JAK1: variants seen among roughly 807,000 people sequenced by gnomAD.
JAK1 encodes Janus kinase 1, also known as tyrosine-protein kinase JAK1.
Under a neutral mutation model 136.6 loss-of-function variants are expected in JAK1, and 16 were observed. The observed-to-expected ratio is 0.12, with a 90% CI of 0.08 to 0.18. JAK1 has a LOEUF of 0.18. Ranked by LOEUF, JAK1 falls within the 10% of genes least tolerant of loss-of-function variation. The pLI, the probability that JAK1 is intolerant of heterozygous loss-of-function variation, is 1.00. For synonymous variants in JAK1, 492 were observed against 519.5 expected, an observed-to-expected ratio of 0.95 and a Z score of 0.72; for missense variants, 859 against 1,450.1, an observed-to-expected ratio of 0.59 and a Z score of 6.62.
chr1:64,947,468 A>T (rs1646007588), intron 1 of JAK1, among the ~76,000 whole-genome samples: 3 of 152,202 alleles, frequency 2.0e-5, no homozygotes, highest in Non-Finnish European at 4.4e-5. Context: ...TATTCAAATC[A>T]TGTGGATAAA....
intron 12 of JAK1, among the ~76,000 whole-genome samples, chr1:64,850,072 C>T (rs774895536): frequency 3.3e-5 from 5 of 152,208 alleles, no homozygotes; most frequent in African/African-American, 7.2e-5. Flanking sequence ...ACCTCCAAGG[C>T]GCTGCCATCT....
Position 64,941,641 on chromosome 1 carries a change from C to G in JAK1, c.-78+24692G>C, listed in dbSNP as rs1267056849. Among the ~76,000 whole-genome samples, 3 of 152,286 alleles carry G rather than the reference C, an allele frequency of 2.0e-5. No homozygotes were observed. The East Asian group carries it at 5.8e-4, about 29-fold the overall frequency. On this transcript the variant is annotated intron_variant, in intron 1 of 24. Coordinates refer to ENST00000342505, the MANE Select transcript of JAK1 (RefSeq NM_002227.4). ...AACCTCAGAGCTGTGATGTTACATT[C>G]AAACTCCCACAAACGGCCTACATTT... is the stretch of plus-strand genomic sequence containing the variant.
intron 1 of JAK1, among the ~76,000 whole-genome samples, chr1:64,911,143 T>C (rs979477068): frequency 7.9e-5 from 12 of 151,206 alleles, no homozygotes; most frequent in African/African-American, 2.7e-4. Context: ...GAAATTCACA[T>C]AAAATTGAAG....
chr1:64,980,514 T>C (rs572498286), intron 2 of JAK1, among the ~76,000 whole-genome samples: 1 of 152,188 alleles, frequency 6.6e-6, no homozygotes, highest in Admixed American at 6.6e-5. Context: ...GCACAGCAAG[T>C]TGACCCTCCT....
intron 1 of JAK1, among the ~76,000 whole-genome samples, chr1:64,953,145 A>G (rs1435481914): frequency 6.6e-6 from 1 of 152,250 alleles, no homozygotes; most frequent in Non-Finnish European, 1.5e-5. Context: ...GTTACCACTT[A>G]TAAAGGTGTA....
At chr1:64,865,630 TTC>T (rs1656650991) in intron 7 of JAK1, among the ~76,000 whole-genome samples, 1 of 152,224 alleles carries the variant, frequency 6.6e-6, no homozygotes, top group Non-Finnish European at 1.5e-5. Context: ...CTTCACAGGG[TTC>T]TCTGAGATTA....
intron 2 of JAK1, among the ~76,000 whole-genome samples, chr1:65,026,104 C>T (rs929652852): frequency 1.1e-4 from 16 of 152,230 alleles, no homozygotes; most frequent in Admixed American, 3.3e-4. Flanking sequence ...ACTCTGAAAT[C>T]CTGGGTCATA....
Position 64,834,408 on chromosome 1 carries a change from G to A in JAK1, c.*154C>T. On this transcript the variant is annotated 3_prime_UTR_variant, in exon 25 of 25. Transcript: ENST00000342505. ...TTACACATATTAAGCACTACAGTGTGCCTTATACATGTATATGTACTGAAG... is the reference window on the plus strand; with the variant it reads ...TTACACATATTAAGCACTACAGTGTACCTTATACATGTATATGTACTGAAG... 1.7e-6 allele frequency: 1 copy of A among 588,588 alleles called. No individual in the cohort carries two copies. Among genetic ancestry groups the A allele is most frequent in the Non-Finnish European group, 3.1e-6 (1 of 323,644 alleles). The allele number at this position is 588,588 out of a possible 1,614,324, so 36.5% of individuals were successfully genotyped here.
intron 5 of JAK1, among the ~76,000 whole-genome samples, chr1:64,871,998 C>T (rs753007205): frequency 3.9e-5 from 6 of 152,172 alleles, no homozygotes; most frequent in Non-Finnish European, 7.4e-5. Flanking sequence ...GCAATCTGCC[C>T]CCACCTGCCT....
At chr1:64,976,768 C>G (rs1274305373) in intron 2 of JAK1, among the ~76,000 whole-genome samples, 1 of 152,164 alleles carries the variant, frequency 6.6e-6, no homozygotes, top group Non-Finnish European at 1.5e-5. Context: ...TTCCCTCAGC[C>G]TTTTAATCCT....
chr1:64,982,311 ATTATG>A (rs981693369), intron 2 of JAK1, among the ~76,000 whole-genome samples: 1 of 152,168 alleles, frequency 6.6e-6, no homozygotes, highest in African/African-American at 2.4e-5. Flanking sequence ...GAGTTAACGC[ATTATG>A]TGATTTGGGA....
At chr1:64,953,550 A>C (rs995236146) in intron 1 of JAK1, among the ~76,000 whole-genome samples, 14 of 152,348 alleles carry the variant, frequency 9.2e-5, no homozygotes, top group South Asian at 2.1e-4. Flanking sequence ...TAAAATGTCA[A>C]AAACAGCAAT....
intron 2 of JAK1, among the ~76,000 whole-genome samples, chr1:64,978,174 A>G (rs1646513505): frequency 1.3e-5 from 2 of 152,092 alleles, no homozygotes; most frequent in African/African-American, 4.8e-5. Flanking sequence ...GCTACTCAAG[A>G]GGCTGAGGCA....
chr1:64,975,787 C>T (rs765936194), intron 2 of JAK1, among the ~76,000 whole-genome samples: 10 of 152,170 alleles, frequency 6.6e-5, no homozygotes, highest in Admixed American at 3.3e-4. Context: ...TACCAGGAAA[C>T]GCCCAAGGAG....
intron 10 of JAK1, among the ~76,000 whole-genome samples, chr1:64,856,708 C>G: frequency 6.6e-6 from 1 of 152,188 alleles, no homozygotes; most frequent in South Asian, 2.1e-4. Context: ...AGCCACGGAG[C>G]CCCGAGGCCC....
At chr1:64,851,000 G>C (rs935518357) in intron 11 of JAK1, 90 bp from the exon 12 acceptor site, 11 of 829,390 alleles carry the variant, frequency 1.3e-5, no homozygotes, top group Non-Finnish European at 2.3e-5. Context: ...CCGTGGGACC[G>C]GTGTGCGGGC....
intron 2 of JAK1, among the ~76,000 whole-genome samples, chr1:65,042,757 A>C (rs2100839042): frequency 6.6e-6 from 1 of 152,272 alleles, no homozygotes; most frequent in Non-Finnish European, 1.5e-5. Flanking sequence ...CAGAGAACTA[A>C]ACTGAGGATG....
chr1:64,952,485 G>A (rs1192824395), intron 1 of JAK1, among the ~76,000 whole-genome samples: 1 of 152,098 alleles, frequency 6.6e-6, no homozygotes, highest in Non-Finnish European at 1.5e-5. Context: ...CTTGATATAG[G>A]AGTATCCTTA....
intron 1 of JAK1, among the ~76,000 whole-genome samples, chr1:64,947,066 A>C (rs1039870170): frequency 1.3e-5 from 2 of 152,212 alleles, no homozygotes; most frequent in Non-Finnish European, 2.9e-5. Context: ...AGGAAAAAGC[A>C]ATGGGTAGTT....
Sources: gnomAD v4.1 joint callset for allele counts (sites outside exome capture counted in the v4.1 genomes callset) on GRCh38, gnomAD v4.1.1 for gene constraint, MANE v1.5 for transcripts, NCBI Gene and HGNC (gene_info 2026-07-23, HGNC 2026-07-21) for gene names.